The following ALAD variants were observed in gnomAD, a reference collection of about 807,000 sequenced individuals.
ALAD encodes delta-aminolevulinic acid dehydratase.
In ALAD, 20 loss-of-function variants were observed where a neutral mutation model predicts 44.4. That is an observed-to-expected ratio of 0.45 (90% confidence interval 0.32 to 0.65). The LOEUF is 0.65. Among genes scored for constraint, ALAD ranks in the 30% least tolerant of loss-of-function variants. The pLI is 0.05. For synonymous variants in ALAD, 156 were observed against 167.9 expected (o/e 0.93, Z 0.55); for missense variants, 323 against 445.7 (o/e 0.72, Z 2.48).
At chr9:113,394,990 G>A (rs1361290352) in intron 1 of ALAD, among the ~76,000 whole-genome samples, 1 of 152,086 alleles carries the variant, frequency 6.6e-6, no homozygotes, top group Non-Finnish European at 1.5e-5. Flanking sequence ...AGGAGGAGGA[G>A]GTTGCAGTAA....
rs1827544712 is a variant in ALAD, at chr9:113,390,510, G to A, written c.482-17C>T. 1.2e-6 allele frequency: 2 copies of A among 1,613,854 alleles called. No individual in the cohort carries two copies. Among genetic ancestry groups the A allele is most frequent in the African/African-American group, 1.3e-5 (1 of 74,908 alleles). On this transcript the variant is annotated splice_polypyrimidine_tract_variant and intron_variant, in intron 6 of 11. Transcript: ENST00000409155. Reference sequence around the variant, plus strand: ...CCTGACATCCTGGGGGGCAGAGGGTGGCCTTCAGAACTCTGGGGCCCTCCT... The same window carrying A: ...CCTGACATCCTGGGGGGCAGAGGGTAGCCTTCAGAACTCTGGGGCCCTCCT...
At chr9:113,389,334 G>A in intron 10 of ALAD, 104 bp downstream of exon 10, 2 of 1,410,084 alleles carry the variant, frequency 1.4e-6, no homozygotes, top group African/African-American at 1.4e-5. Context: ...GGGAGGAGAG[G>A]ATGCATGCTT....
Position 113,390,817 on chromosome 9 carries a change from G to A in ALAD, c.378C>T (p.Tyr126=), listed in dbSNP as rs759512393. The change falls in exon 5 of 12, where the codon TAC becomes TAT. Residue 126 remains tyrosine, a synonymous_variant. Transcript: ENST00000409155. ...ACTCACCGCAGTGACCATGGGAGGT[G>A]TAGGGACACAGGCAGACATCACAGG... ...LVACDVCLCP[Y]TSHGHCGLLS... 4.3e-6 allele frequency: 7 copies of A among 1,612,284 alleles called. No homozygotes were observed. Among genetic ancestry groups the A allele is most frequent in the Admixed American group, 3.4e-5 (2 of 59,560 alleles).
chr9:113,395,711 C>T (rs1827707484), intron 1 of ALAD, among the ~76,000 whole-genome samples: 1 of 152,186 alleles, frequency 6.6e-6, no homozygotes, highest in Non-Finnish European at 1.5e-5. Context: ...GGAGCCTGAC[C>T]AGAAGTGAGC....
At chr9:113,390,267 C>T in intron 7 of ALAD, 138 bp downstream of exon 7, 2 of 879,522 alleles carry the variant, frequency 2.3e-6, no homozygotes, top group Non-Finnish European at 1.8e-6. Context: ...AGTGATCTAC[C>T]TGCCTCAGCC....
rs8177812 is a variant in ALAD, at chr9:113,389,247, G to A, written c.802-141C>T. On this transcript the variant is annotated intron_variant, in intron 10 of 11. Coordinates refer to ENST00000409155, the MANE Select transcript of ALAD (RefSeq NM_000031.6). ...GCGGCTGGCAGCCTGGCCCACTCTT[G>A]AACTGTTAAAGCAGGGCTGTTTGAG... 194,701 of 1,405,648 alleles carry A rather than the reference G, an allele frequency of 0.14. 15,092 individuals are homozygous for A. Among genetic ancestry groups the A allele is most frequent in the South Asian group, 0.27 (21,193 of 79,418 alleles). 87.1% of individuals were successfully genotyped at this position (1,405,648 alleles called of 1,614,324 possible).
intron 1 of ALAD, chr9:113,397,114 C>T (rs1348592227): frequency 6.6e-6 from 1 of 152,152 alleles, no homozygotes; most frequent in Non-Finnish European, 1.5e-5. Flanking sequence ...CTGGGAGATC[C>T]TTTGGTAGGT....
rs751427895 is a variant in ALAD at position 113,389,520 on chromosome 9, C to T, written c.719G>A (p.Arg240Gln). 30 of 1,614,020 alleles carry T rather than the reference C, an allele frequency of 1.9e-5. No individual in the cohort carries two copies. Among genetic ancestry groups the T allele is most frequent in the East Asian group, 2.2e-5 (1 of 44,888 alleles). The change falls in exon 10 of 12, where the codon CGG becomes CAG. Residue 240 changes from arginine to glutamine, a missense_variant. Coordinates refer to ENST00000409155, the MANE Select transcript of ALAD (RefSeq NM_000031.6). The stretch of plus-strand genomic sequence containing the variant: ...CATGTCAGCTCCTTCCCGTACATCC[C>T]GGTCCTAAGGGATGAGGGTATAATG... ...ARGLALRAVD[R>Q]DVREGADMLM... is the part of the protein sequence containing the mutation.
In ALAD at chr9:113,386,838, C is replaced by G. The variant is rs912068278; in HGVS notation, c.*1462G>C. ...TTCTCCCTCCACCCCGACCCTGCTT[C>G]TGTTCCTCTTCCAGGCTGCCCCATC... On this transcript the variant is annotated 3_prime_UTR_variant, in exon 12 of 12. Transcript: ENST00000409155. The G allele has an allele frequency of 1.2e-4, 18 of 152,212 alleles. No individual in the cohort carries two copies. The highest frequency in any genetic ancestry group is 1.2e-3 in the Admixed American group (18 of 15,270). 9.4% of individuals were successfully genotyped at this position (152,212 alleles called of 1,614,324 possible).
rs1827439392 is a variant in ALAD at position 113,387,766 on chromosome 9, T to C, written c.*534A>G. On this transcript the variant is annotated 3_prime_UTR_variant, in exon 12 of 12. Transcript: ENST00000409155. ...TCTGGGTTTATGGTTCAGAGTAGAA[T>C]AGGAGACCTCAGGCAGCCTGGCAAC... 1 of 203,124 alleles carries C rather than the reference T, an allele frequency of 4.9e-6. No individual in the cohort carries two copies. Among genetic ancestry groups the C allele is most frequent in the African/African-American group, 2.3e-5 (1 of 43,434 alleles). 12.6% of individuals were successfully genotyped at this position (203,124 alleles called of 1,614,324 possible). A position where few individuals can be genotyped will look rare whatever the true frequency, so the allele number is the denominator to read the frequency against.
chr9:113,388,615 T>A (rs927720868), intron 11 of ALAD, among the ~76,000 whole-genome samples: 2 of 152,246 alleles, frequency 1.3e-5, no homozygotes, highest in Non-Finnish European at 2.9e-5. Flanking sequence ...TTCCTTCCCA[T>A]GCTGGTGTGC....
At chr9:113,399,819 G>A (rs1466600794) in intron 1 of ALAD, among the ~76,000 whole-genome samples, 1 of 152,144 alleles carries the variant, frequency 6.6e-6, no homozygotes. Flanking sequence ...GGCAGGCTCT[G>A]CCACTGGCCA....
Position 113,387,791 on chromosome 9 carries a change from C to T in ALAD, c.*509G>A, listed in dbSNP as rs749876978. On this transcript the variant is annotated 3_prime_UTR_variant, in exon 12 of 12. Coordinates refer to ENST00000409155, the MANE Select transcript of ALAD (RefSeq NM_000031.6). ...TAGGAGACCTCAGGCAGCCTGGCAA[C>T]CTCTGGCCTCGTGGGAAATGCCTTC... 6.6e-5 allele frequency: 14 copies of T among 210,618 alleles called. No individual in the cohort carries two copies. The highest frequency in any genetic ancestry group is 9.8e-5 in the Non-Finnish European group (10 of 102,012). 13.0% of individuals were successfully genotyped at this position (210,618 alleles called of 1,614,324 possible).
intron 1 of ALAD, among the ~76,000 whole-genome samples, chr9:113,398,662 T>G (rs1317526643): frequency 1.3e-5 from 2 of 152,188 alleles, no homozygotes; most frequent in Non-Finnish European, 2.9e-5. Flanking sequence ...TACACTTTAA[T>G]GTGGAAAATG....
At position 113,390,482 on chromosome 9, in the gene ALAD, C is replaced by A. The variant is rs1281154579; in HGVS notation, c.493G>T (p.Val165Leu). The A allele has an allele frequency of 6.2e-7, 1 of 1,614,170 alleles. No homozygotes were observed. The highest frequency in any genetic ancestry group is 1.7e-5 in the Admixed American group (1 of 60,026). Residue 165 changes from valine to leucine, a missense_variant, in exon 7 of 12, where the codon GTA becomes TTA. Coordinates refer to ENST00000409155, the MANE Select transcript of ALAD (RefSeq NM_000031.6). ...CCATCCATCATGTCCGACGGGGCTACCACCTGACATCCTGGGGGGCAGAGG... is the reference window on the plus strand; with the variant it reads ...CCATCCATCATGTCCGACGGGGCTAACACCTGACATCCTGGGGGGCAGAGG... ...LAYAKAGCQV[V>L]APSDMMDGRV...
At chr9:113,389,327 A>C in intron 10 of ALAD, 111 bp downstream of exon 10, 1 of 1,371,622 alleles carries the variant, frequency 7.3e-7, no homozygotes, top group Non-Finnish European at 1.0e-6. Flanking sequence ...AGGGAAGGGG[A>C]GGAGAGGATG....
intron 1 of ALAD, chr9:113,398,066 A>G (rs1827778015): frequency 6.6e-6 from 1 of 152,160 alleles, no homozygotes; most frequent in African/African-American, 2.4e-5. Flanking sequence ...ATTTCATAAT[A>G]CTGATAAACA....
intron 10 of ALAD, among the ~76,000 whole-genome samples, 155 bp downstream of exon 10, chr9:113,389,283 G>A (rs993117975): frequency 6.6e-6 from 1 of 152,196 alleles, no homozygotes; most frequent in African/African-American, 2.4e-5. Context: ...GCTCGTGCAA[G>A]CCCCGACATA....
At chr9:113,390,720 G>A (rs763835969) in intron 5 of ALAD, 44 bp from the exon 6 acceptor site, 1 of 1,604,688 alleles carries the variant, frequency 6.2e-7, no homozygotes, top group South Asian at 1.1e-5. Flanking sequence ...CTTGGGCCCT[G>A]GCCTGTCCCC....
Sources: gnomAD v4.1 joint callset for allele counts (sites outside exome capture counted in the v4.1 genomes callset) on GRCh38, gnomAD v4.1.1 for gene constraint, MANE v1.5 for transcripts, NCBI Gene and HGNC (gene_info 2026-07-23, HGNC 2026-07-21) for gene names.